SCRG1: variants seen among roughly 807,000 people sequenced by gnomAD.
The protein encoded by SCRG1 is stimulator of chondrogenesis 1, also known as scrapie-responsive protein 1.
SCRG1 carries 3 observed loss-of-function variants against 7.7 expected under a neutral mutation model. The ratio of observed to expected loss-of-function variants is 0.39; its 90% CI spans 0.18 to 1.01. The LOEUF (loss-of-function observed/expected upper bound fraction) is 1.01, where lower values mean the gene tolerates loss of function less well. SCRG1 is among the 50% of genes least tolerant of loss of function. The pLI is 0.36. For synonymous variants in SCRG1, 46 were observed against 41.2 expected (o/e 1.12, Z -0.44); for missense variants, 110 against 117.2 (o/e 0.94, Z 0.28).
At chr4:173,440,263 G>C in the SCRG1 span, among the ~76,000 whole-genome samples, 2 of 152,080 alleles carry the variant, frequency 1.3e-5, no homozygotes, top group African/African-American at 2.4e-5. Flanking sequence ...TTTACTAAAG[G>C]CTTTACAAAG....
the SCRG1 span, among the ~76,000 whole-genome samples, chr4:173,514,534 T>G: frequency 6.6e-6 from 1 of 152,204 alleles, no homozygotes; most frequent in East Asian, 1.9e-4. Context: ...TCATGAACTT[T>G]AAGTTTAAAT....
chr4:173,476,363 A>AAAAAAATATATATATAT, the SCRG1 span, among the ~76,000 whole-genome samples: 17 of 98,500 alleles, frequency 1.7e-4, no homozygotes, highest in African/African-American at 3.4e-4. Context: ...GGAAAAAAAA[A>AAAAAAATATATATATAT]ATATATATAT....
At chr4:173,445,583 G>GAAAA in the SCRG1 span, among the ~76,000 whole-genome samples, 4,798 of 141,240 alleles carry the variant, frequency 0.034, 322 homozygotes, top group African/African-American at 0.11. Flanking sequence ...CTCCGTCTCG[G>GAAAA]AAAAAAAAAA....
the SCRG1 span, among the ~76,000 whole-genome samples, chr4:173,496,978 C>A: frequency 6.6e-6 from 1 of 151,894 alleles, no homozygotes; most frequent in Non-Finnish European, 1.5e-5. Flanking sequence ...TGGTGGTGGG[C>A]GCCTGTAGTC....
At chr4:173,493,142 T>C in the SCRG1 span, among the ~76,000 whole-genome samples, 1 of 152,118 alleles carries the variant, frequency 6.6e-6, no homozygotes, top group African/African-American at 2.4e-5. Flanking sequence ...CACCCAAATC[T>C]ATCTCAAATT....
intron 1 of SCRG1, among the ~76,000 whole-genome samples, chr4:173,397,595 A>G (rs760115296): frequency 3.3e-5 from 5 of 152,240 alleles, no homozygotes; most frequent in East Asian, 1.9e-4. Context: ...CAACTAAACA[A>G]TAAATCATTG....
chr4:173,443,897 T>C, the SCRG1 span, among the ~76,000 whole-genome samples: 862 of 152,104 alleles, frequency 5.7e-3, 4 homozygotes, highest in African/African-American at 0.02. Context: ...CCGTGTCATA[T>C]ATACTGTTAG....
chr4:173,386,692 A>T lies in SCRG1; in HGVS notation c.*1649T>A, dbSNP rs1731187385. The T allele has an allele frequency of 1.3e-5, 2 of 152,214 alleles. No homozygotes were observed. The highest frequency in any genetic ancestry group is 6.5e-5 in the Admixed American group (1 of 15,280). 9.4% of individuals were successfully genotyped at this position (152,214 alleles called of 1,614,324 possible). On this transcript the variant is annotated 3_prime_UTR_variant, in exon 3 of 3. Coordinates refer to ENST00000296506, the MANE Select transcript of SCRG1 (RefSeq NM_007281.4). ...TAATGTCACTTTTATTCATAAAATG[A>T]TATCTCCCAGATTGCCTGTGTGGTA...
chr4:173,406,369 C>T (rs1375116080), exon 1 of SCRG1: 3 of 152,192 alleles, frequency 2.0e-5, no homozygotes, highest in African/African-American at 7.2e-5. Flanking sequence ...TCTGCAACTT[C>T]CCCCTCACTA....
chr4:173,390,117 C>T (rs1739382743), intron 2 of SCRG1, among the ~76,000 whole-genome samples: 1 of 152,120 alleles, frequency 6.6e-6, no homozygotes, highest in Non-Finnish European at 1.5e-5. Flanking sequence ...GATCTAGGCT[C>T]ACTGCAACCT....
the SCRG1 span, among the ~76,000 whole-genome samples, chr4:173,506,902 T>G: frequency 6.6e-6 from 1 of 152,174 alleles, no homozygotes; most frequent in Non-Finnish European, 1.5e-5. This position sits in a 1 kb window ranked among gnomAD's most constrained non-coding sequence, Gnocchi z 5.3. Context: ...GAACCGTCGC[T>G]TCTCCCCGGC....
At chr4:173,419,405 G>A in the SCRG1 span, 1 of 1,210,410 alleles carries the variant, frequency 8.3e-7, no homozygotes, top group Non-Finnish European at 1.2e-6. Context: ...TCGTACAGCA[G>A]CATGAGCTTT....
chr4:173,390,037 C>G (rs985805829), intron 2 of SCRG1: 2 of 242,996 alleles, frequency 8.2e-6, no homozygotes, highest in African/African-American at 4.5e-5. Flanking sequence ...TCATTTTATA[C>G]CTTTTTTTGT....
the SCRG1 span, among the ~76,000 whole-genome samples, chr4:173,490,087 C>T: frequency 6.6e-6 from 1 of 152,160 alleles, no homozygotes; most frequent in Non-Finnish European, 1.5e-5. Context: ...CTTGCCAATT[C>T]CATGACAGTG....
intron 1 of SCRG1, among the ~76,000 whole-genome samples, chr4:173,405,188 C>T (rs1188123338): frequency 6.6e-6 from 1 of 152,252 alleles, no homozygotes; most frequent in Admixed American, 6.5e-5. Context: ...TGACTTTGAC[C>T]GTTTTGAGGA....
chr4:173,413,621 G>A, the SCRG1 span, among the ~76,000 whole-genome samples: 1 of 152,194 alleles, frequency 6.6e-6, no homozygotes, highest in South Asian at 2.1e-4. Flanking sequence ...GTTAAGATGA[G>A]CCAGGTAAAG....
At chr4:173,483,940 TAAATC>T in the SCRG1 span, among the ~76,000 whole-genome samples, 1 of 96,342 alleles carries the variant, frequency 1.0e-5, no homozygotes, top group Admixed American at 1.7e-4. Flanking sequence ...ATATATAATA[TAAATC>T]ATATATAATA....
the SCRG1 span, among the ~76,000 whole-genome samples, chr4:173,436,536 G>A: frequency 6.6e-6 from 1 of 152,088 alleles, no homozygotes; most frequent in Non-Finnish European, 1.5e-5. Context: ...ATTTCTCATG[G>A]TCATAAATGT....
the SCRG1 span, among the ~76,000 whole-genome samples, chr4:173,515,188 G>C: frequency 6.8e-3 from 1,032 of 152,352 alleles, 16 homozygotes; most frequent in African/African-American, 0.024. This position sits in a 1 kb window ranked among gnomAD's most constrained non-coding sequence, Gnocchi z 4.6. Flanking sequence ...GTTTGCAGAA[G>C]TTGGAACATA....
Sources: allele counts gnomAD v4.1 joint callset (sites outside exome capture counted in the v4.1 genomes callset), GRCh38; gene constraint gnomAD v4.1.1; non-coding constraint Gnocchi (gnomAD v3.1); transcripts MANE v1.5; gene names NCBI Gene and HGNC (gene_info 2026-07-23, HGNC 2026-07-21).